NLRP14: variants seen among roughly 807,000 people sequenced by gnomAD.
NLRP14 encodes NLR family pyrin domain containing 14.
In NLRP14, 105 loss-of-function variants were observed where a neutral mutation model predicts 94.7. That is an observed-to-expected ratio of 1.11 (90% CI 0.95 to 1.30). NLRP14 has a LOEUF of 1.30. NLRP14 is among the 50% of genes most tolerant of loss of function. NLRP14 has a pLI of 0.00. For synonymous variants in NLRP14, 508 were observed against 459.9 expected, an observed-to-expected ratio of 1.10 and a Z score of -1.34; for missense variants, 1,362 against 1,254.1, an observed-to-expected ratio of 1.09 and a Z score of -1.30.
chr11:7,045,661 T>C (rs1852336417), intron 4 of NLRP14, among the ~76,000 whole-genome samples: 1 of 152,086 alleles, frequency 6.6e-6, no homozygotes, highest in Admixed American at 6.6e-5. Flanking sequence ...TTCATTCCAA[T>C]TTAAGATATG....
At position 7,058,289 on chromosome 11, in the gene NLRP14, C is replaced by T. The variant is rs780855152; in HGVS notation, c.2472C>T (p.Ser824=). 1 of 1,612,070 alleles carries T rather than the reference C, an allele frequency of 6.2e-7. No homozygotes were observed. Among genetic ancestry groups the T allele is most frequent in the South Asian group, 1.1e-5 (1 of 91,056 alleles). ...KCYLERLSLE[S]CGLTEAGCEY... ...TCTCTTTCTCTTTCAGCTTAGAAAG[C>T]TGTGGTCTCACAGAGGCTGGCTGTG... Residue 824 remains serine (S), a synonymous_variant, in exon 8 of 12, where the codon AGC becomes AGT. Transcript: ENST00000299481.
chr11:7,077,216 C>A, the NLRP14 span, among the ~76,000 whole-genome samples: 1 of 152,372 alleles, frequency 6.6e-6, no homozygotes, highest in Non-Finnish European at 1.5e-5. Flanking sequence ...GCCCTCGGAA[C>A]TCGGCGTGGG....
chr11:7,061,968 A>G (rs1323809739), intron 9 of NLRP14, among the ~76,000 whole-genome samples: 1 of 152,054 alleles, frequency 6.6e-6, no homozygotes, highest in African/African-American at 2.4e-5. Flanking sequence ...TTTGAGATAG[A>G]TTCCAGGAAA....
chr11:7,080,456 C>T, the NLRP14 span, among the ~76,000 whole-genome samples: 1 of 152,120 alleles, frequency 6.6e-6, no homozygotes, highest in Non-Finnish European at 1.5e-5. Flanking sequence ...TTGTCGTGAC[C>T]AATGCAAGAT....
At chr11:7,055,772 T>C (rs909753061) in intron 6 of NLRP14, among the ~76,000 whole-genome samples, 1 of 152,066 alleles carries the variant, frequency 6.6e-6, no homozygotes, top group Non-Finnish European at 1.5e-5. Flanking sequence ...TATGGACCTA[T>C]ACCAAATAAC....
intron 6 of NLRP14, among the ~76,000 whole-genome samples, chr11:7,056,029 C>T (rs1052362860): frequency 6.6e-6 from 1 of 151,868 alleles, no homozygotes; most frequent in African/African-American, 2.4e-5. Context: ...TTTGGCTTCC[C>T]TTTTGATTGA....
chr11:7,084,410 C>T, the NLRP14 span, among the ~76,000 whole-genome samples: 1 of 152,116 alleles, frequency 6.6e-6, no homozygotes, highest in East Asian at 1.9e-4. Context: ...TTTGGGATGG[C>T]TGCTGGTCAC....
At chr11:7,078,966 C>T in the NLRP14 span, among the ~76,000 whole-genome samples, 10 of 152,252 alleles carry the variant, frequency 6.6e-5, no homozygotes, top group Admixed American at 4.6e-4. Context: ...GGTCCCAGGC[C>T]ACAGGCACTT....
At chr11:7,072,374 GC>G (rs1318606878), downstream of NLRP14, among the ~76,000 whole-genome samples, 2 of 152,182 alleles carry the variant, frequency 1.3e-5, no homozygotes, top group Non-Finnish European at 2.9e-5. Flanking sequence ...TTTGATCCTT[GC>G]CCCCTCAGAG....
chr11:7,068,061 A>G (rs1240253887), intron 10 of NLRP14, among the ~76,000 whole-genome samples: 1 of 152,000 alleles, frequency 6.6e-6, no homozygotes, highest in Non-Finnish European at 1.5e-5. Flanking sequence ...TTTAAAACTT[A>G]TTGGCAAGCA....
intron 10 of NLRP14, among the ~76,000 whole-genome samples, chr11:7,068,517 G>A (rs1298541434): frequency 1.3e-5 from 2 of 152,034 alleles, no homozygotes; most frequent in South Asian, 2.1e-4. Flanking sequence ...CAAGCATGAG[G>A]CTTTTCTTTT....
chr11:7,089,674 G>C, the NLRP14 span: 2 of 1,476,222 alleles, frequency 1.4e-6, no homozygotes, highest in South Asian at 1.3e-5. Context: ...CTGGCCGTGC[G>C]GGGGCGAGAC....
intron 1 of NLRP14, among the ~76,000 whole-genome samples, chr11:7,025,321 C>A (rs1354940807): frequency 6.6e-6 from 1 of 152,094 alleles, no homozygotes; most frequent in Non-Finnish European, 1.5e-5. Context: ...GCCAAAATAT[C>A]ATCTCTCCCT....
chr11:7,042,897 A>G lies in NLRP14; in HGVS notation c.871A>G (p.Ser291Gly), dbSNP rs1230065748. 5 of 1,614,118 alleles carry G rather than the reference A, an allele frequency of 3.1e-6. No homozygotes were observed. The highest frequency in any genetic ancestry group is 4.2e-6 in the Non-Finnish European group (5 of 1,179,980). ...QEHPVSFLMS[S>G]LLRKVMLPEA... is the part of the protein sequence containing the mutation. ...ACACCCAGTGTCCTTCCTCATGAGT[A>G]GTTTGCTGAGGAAAGTGATGCTCCC... Residue 291 changes from serine to glycine, a missense_variant, in exon 4 of 12, where the codon AGT becomes GGT. By Grantham distance (56) the Ser-to-Gly change is moderately conservative (BLOSUM62 0). Transcript: ENST00000299481.
the NLRP14 span, among the ~76,000 whole-genome samples, chr11:7,076,708 A>G: frequency 1.3e-5 from 2 of 150,644 alleles, no homozygotes; most frequent in African/African-American, 4.9e-5. Flanking sequence ...TACCACTATC[A>G]CAGATATGTA....
chr11:7,072,664 A>G (rs1362958494), downstream of NLRP14, among the ~76,000 whole-genome samples: 1 of 152,092 alleles, frequency 6.6e-6, no homozygotes, highest in Non-Finnish European at 1.5e-5. Context: ...AGTTGTATGC[A>G]TGCTCCCTTG....
rs1331544899 is a variant in NLRP14, at chr11:7,071,275, TGAA to T, written c.3255_3257del (p.Glu1085del). 1 of 1,613,658 alleles carries T rather than the reference TGAA, an allele frequency of 6.2e-7. No homozygotes were observed. The highest frequency in any genetic ancestry group is 8.5e-7 in the Non-Finnish European group (1 of 1,179,710). On this transcript the variant is annotated inframe_deletion, in exon 12 of 12. Transcript: ENST00000299481. ...TTAAGCCAGATTGTAACTATCATAA[TGAA>T]GAAGATGTGTCTTGGTGGTGGTGTT...
At chr11:7,046,535 C>T (rs894313527) in intron 4 of NLRP14, 133 bp from the exon 5 acceptor site, 1 of 800,570 alleles carries the variant, frequency 1.2e-6, no homozygotes. Flanking sequence ...GGACTGTGCC[C>T]ACGGTGGAGC....
intron 10 of NLRP14, among the ~76,000 whole-genome samples, chr11:7,062,803 T>C (rs1565025665): frequency 6.6e-6 from 1 of 152,122 alleles, no homozygotes; most frequent in African/African-American, 2.4e-5. Flanking sequence ...TACTTGTCTT[T>C]GAATTAATTT....
Sources: gnomAD v4.1 joint callset for allele counts (sites outside exome capture counted in the v4.1 genomes callset) on GRCh38, gnomAD v4.1.1 for gene constraint, MANE v1.5 for transcripts, NCBI Gene and HGNC (gene_info 2026-07-23, HGNC 2026-07-21) for gene names.